The following FHIP1B variants were observed in gnomAD, a reference collection of about 807,000 sequenced individuals.
FHIP1B encodes FHF complex subunit HOOK-interacting protein 1B.
FHIP1B carries 28 observed loss-of-function variants against 82.2 expected under a neutral mutation model. The observed-to-expected ratio is 0.34, with a 90% confidence interval of 0.25 to 0.47. The LOEUF (loss-of-function observed/expected upper bound fraction) is 0.47. Ranked by LOEUF, FHIP1B falls within the 20% of genes least tolerant of loss-of-function variation. FHIP1B has a pLI of 1.00. For missense variants in FHIP1B, 1,110 were observed against 1,262.6 expected, an observed-to-expected ratio of 0.88 and a Z score of 1.83; for synonymous variants, 585 against 516.1, an observed-to-expected ratio of 1.13 and a Z score of -1.81.
Position 6,211,578 on chromosome 11 carries a change from C to T in FHIP1B, c.2847G>A (p.Ser949=), listed in dbSNP as rs753774271. 1.2e-5 allele frequency: 20 copies of T among 1,613,944 alleles called. No individual in the cohort carries two copies. Among genetic ancestry groups the T allele is most frequent in the Middle Eastern group, 1.6e-4 (1 of 6,082 alleles). Residue 949 remains serine, a synonymous_variant, in exon 12 of 12, where the codon TCG becomes TCA. Coordinates refer to ENST00000449352, the MANE Select transcript of FHIP1B (RefSeq NM_001098794.2). ...AAISQAHAVT[S]PFLLETSEEG... is the part of the protein sequence containing the mutation. ...CCTCTGAAGTCTCCAACAAGAAAGG[C>T]GAGGTGACGGCATGAGCCTGGGAGA... is the stretch of plus-strand genomic sequence containing the variant.
intron 6 of FHIP1B, 99 bp downstream of exon 6, chr11:6,222,343 G>T: frequency 1.5e-6 from 2 of 1,342,428 alleles, no homozygotes; most frequent in Non-Finnish European, 2.1e-6. Context: ...GACTGCTGGA[G>T]ATACAGGCAA....
intron 9 of FHIP1B, among the ~76,000 whole-genome samples, chr11:6,216,146 G>A (rs143918973): frequency 2.0e-5 from 3 of 152,358 alleles, no homozygotes; most frequent in South Asian, 4.1e-4. Flanking sequence ...GTACTGAGCT[G>A]AAAGGAACAG....
rs745909587 is a variant in FHIP1B, at chr11:6,217,619, CCCT to C, written c.1964_1966del (p.Glu655del). The C allele has an allele frequency of 2.5e-5, 40 of 1,613,942 alleles. No homozygotes were observed. The highest frequency in any genetic ancestry group is 2.4e-4 in the South Asian group (22 of 91,024). On this transcript the variant is annotated inframe_deletion, in exon 9 of 12. Coordinates refer to ENST00000449352, the MANE Select transcript of FHIP1B (RefSeq NM_001098794.2). Reference sequence around the variant, plus strand: ...GATGCCCTCTAGCAGTTCCCCAGCTCCCTCCTTTGGCACCAGACGAACCTTCTT... The same window carrying C: ...GATGCCCTCTAGCAGTTCCCCAGCTCCCTTTGGCACCAGACGAACCTTCTT...
chr11:6,229,500 C>A (rs1847644604), intron 1 of FHIP1B, among the ~76,000 whole-genome samples: 1 of 152,164 alleles, frequency 6.6e-6, no homozygotes, highest in South Asian at 2.1e-4. Flanking sequence ...ATCCTTATCG[C>A]CTCCCATGCA....
intron 1 of FHIP1B, among the ~76,000 whole-genome samples, chr11:6,231,406 T>C (rs1476626240): frequency 1.3e-5 from 2 of 152,034 alleles, no homozygotes; most frequent in African/African-American, 4.8e-5. Context: ...ACATGTATAC[T>C]TGGAATACAG....
intron 11 of FHIP1B, among the ~76,000 whole-genome samples, chr11:6,212,267 TACC>T (rs779218504): frequency 6.6e-6 from 1 of 152,136 alleles, no homozygotes; most frequent in Non-Finnish European, 1.5e-5. Context: ...ATCACTAATC[TACC>T]ACCACCAAGC....
At chr11:6,222,399 G>A (rs1230093399) in intron 6 of FHIP1B, 43 bp downstream of exon 6, 2 of 1,606,058 alleles carry the variant, frequency 1.2e-6, no homozygotes, top group African/African-American at 2.7e-5. Flanking sequence ...AGAGAAAGAA[G>A]ATGGGTCATC....
At chr11:6,214,709 C>T in intron 10 of FHIP1B, 24 bp downstream of exon 10, 1 of 1,554,852 alleles carries the variant, frequency 6.4e-7, no homozygotes, top group Non-Finnish European at 8.7e-7. Flanking sequence ...CCTGGACGCA[C>T]CCATGCATGC....
At chr11:6,216,718 C>A (rs1010762403) in intron 9 of FHIP1B, 2 of 252,682 alleles carry the variant, frequency 7.9e-6, no homozygotes, top group Non-Finnish European at 1.5e-5. Context: ...CAGGGCCACG[C>A]TTTGTCATTT....
In FHIP1B at chr11:6,217,941, C is replaced by T. The variant is rs773004260; in HGVS notation, c.1645G>A (p.Asp549Asn). 1.2e-6 allele frequency: 2 copies of T among 1,612,928 alleles called. No homozygotes were observed. The highest frequency in any genetic ancestry group is 1.7e-6 in the Non-Finnish European group (2 of 1,180,030). Residue 549 changes from aspartate (D) to asparagine (N), a missense_variant, in exon 9 of 12, where the codon GAC (aspartate) becomes AAC (asparagine). Transcript: ENST00000449352. ...TCACGCAGATACTCCAGGTAATTGT[C>T]TTCCAGCTCTCCAGGCTCCTCTGCA... ...TPAEEPGELE[D>N]NYLEYLREAR...
chr11:6,217,103 G>T (rs551501343), intron 9 of FHIP1B: 9 of 703,098 alleles, frequency 1.3e-5, no homozygotes, highest in African/African-American at 7.0e-5. Context: ...CCAGACTAGG[G>T]AAAGAGGAGG....
chr11:6,222,264 G>C (rs1263453004), intron 6 of FHIP1B, among the ~76,000 whole-genome samples, 178 bp downstream of exon 6: 1 of 152,164 alleles, frequency 6.6e-6, no homozygotes, highest in African/African-American at 2.4e-5. Flanking sequence ...CAGGGGAGTA[G>C]ATTAAAATCT....
intron 1 of FHIP1B, among the ~76,000 whole-genome samples, chr11:6,231,994 T>G (rs1014414086): frequency 3.9e-5 from 6 of 152,236 alleles, no homozygotes; most frequent in Non-Finnish European, 8.8e-5. Context: ...GTTGAATGAA[T>G]AAACGAATTC....
chr11:6,217,446 G>T lies in FHIP1B; in HGVS notation c.2140C>A (p.Pro714Thr). Residue 714 changes from proline to threonine, a missense_variant, in exon 9 of 12, where the codon CCC becomes ACC. By Grantham distance (38) the Pro-to-Thr change is conservative (BLOSUM62 -1). This residue lies in a region of FHIP1B where 418 missense variants were observed against 371.4 expected (regional missense o/e 1.13). Transcript: ENST00000449352. Reference protein sequence around the residue: ...EEEAYESFTCPPEPPGPFLSS... With the variant: ...EEEAYESFTCTPEPPGPFLSS... ...AGGAAGGGGCCAGGGGGCTCAGGGG[G>T]ACAGGTGAAGCTCTCGTAGGCCTCC... The T allele has an allele frequency of 6.2e-7, 1 of 1,614,012 alleles. No homozygotes were observed. The highest frequency in any genetic ancestry group is 8.5e-7 in the Non-Finnish European group (1 of 1,179,922).
chr11:6,224,276 G>C, intron 2 of FHIP1B, 28 bp from the exon 3 acceptor site: 1 of 1,613,170 alleles, frequency 6.2e-7, no homozygotes, highest in Non-Finnish European at 8.5e-7. Context: ...AAGATGGAAG[G>C]AATCTAAATT....
chr11:6,222,945 C>A, intron 4 of FHIP1B, 48 bp from the exon 5 acceptor site: 2 of 1,597,512 alleles, frequency 1.3e-6, no homozygotes, highest in Middle Eastern at 3.3e-4. Flanking sequence ...GAGACCACTG[C>A]CTGGAAGGGA....
At chr11:6,213,634 C>T (rs528088422) in intron 11 of FHIP1B, among the ~76,000 whole-genome samples, 3 of 152,158 alleles carry the variant, frequency 2.0e-5, no homozygotes, top group Non-Finnish European at 4.4e-5. Flanking sequence ...ACCTGTTAAG[C>T]GAAAAGTCTA....
At position 6,223,781 on chromosome 11, in the gene FHIP1B, A is replaced by G. The variant is rs747499432; in HGVS notation, c.606T>C (p.Pro202=). Residue 202 remains proline, a synonymous_variant, in exon 3 of 12, where the codon CCT becomes CCC. Coordinates refer to ENST00000449352, the MANE Select transcript of FHIP1B (RefSeq NM_001098794.2). This position sits in a 1 kb window ranked among gnomAD's most constrained non-coding sequence, Gnocchi z 4.8. Reference sequence around the variant, plus strand: ...GAAGACGGGGAGCGGCTCCAGGCTCAGGAGGTGGCTGCAGGAAGAACTCGA... The same window carrying G: ...GAAGACGGGGAGCGGCTCCAGGCTCGGGAGGTGGCTGCAGGAAGAACTCGA... ...SLLEFFLQPP[P]EPGAAPRLLL... The G allele has an allele frequency of 1.2e-6, 2 of 1,614,236 alleles. No homozygotes were observed. Among genetic ancestry groups the G allele is most frequent in the African/African-American group, 2.7e-5 (2 of 75,074 alleles).
chr11:6,218,046 A>G lies in FHIP1B; in HGVS notation c.1540T>C (p.Ser514Pro), dbSNP rs1847295899. 2 of 1,613,430 alleles carry G rather than the reference A, an allele frequency of 1.2e-6. No homozygotes were observed. The highest frequency in any genetic ancestry group is 2.2e-5 in the South Asian group (2 of 91,062). ...LFLRQQSLGGSESPGPAPCSP... is the reference protein window; with the variant it reads ...LFLRQQSLGGPESPGPAPCSP... The stretch of plus-strand genomic sequence containing the variant: ...CAAGGGGCTGGGCCTGGAGACTCAG[A>G]GCCACCCAGGCTCTGCTGCCGCAGG... The change falls in exon 9 of 12, where the codon TCT becomes CCT. Residue 514 changes from serine to proline, a missense_variant. By Grantham distance (74) the Ser-to-Pro change is moderately conservative. This residue lies in a region of FHIP1B where 418 missense variants were observed against 371.4 expected (regional missense o/e 1.13). Coordinates refer to ENST00000449352, the MANE Select transcript of FHIP1B (RefSeq NM_001098794.2).
Sources: allele counts gnomAD v4.1 joint callset (sites outside exome capture counted in the v4.1 genomes callset), GRCh38; gene constraint gnomAD v4.1.1; regional missense constraint gnomAD v4.1.1; non-coding constraint Gnocchi (gnomAD v3.1); transcripts MANE v1.5; gene names NCBI Gene and HGNC (gene_info 2026-07-23, HGNC 2026-07-21).